Variants in MAP2K1 observed in about 807,000 individuals in gnomAD.
MAP2K1 encodes the protein dual specificity mitogen-activated protein kinase kinase 1.
In MAP2K1, 16 loss-of-function variants were observed where a neutral mutation model predicts 46.3. The ratio of observed to expected loss-of-function variants is 0.35; its 90% CI spans 0.23 to 0.52. The LOEUF (loss-of-function observed/expected upper bound fraction) is 0.52. Ranked by LOEUF, MAP2K1 falls within the 20% of genes least tolerant of loss-of-function variation. MAP2K1 has a pLI of 0.94. For synonymous variants in MAP2K1, 183 were observed against 185.6 expected, an observed-to-expected ratio of 0.99 and a Z score of 0.11; for missense variants, 263 against 497.1, an observed-to-expected ratio of 0.53 and a Z score of 4.48.
intron 1 of MAP2K1, among the ~76,000 whole-genome samples, chr15:66,420,843 G>GTATATATATA (rs1567003208): frequency 6.6e-5 from 8 of 121,618 alleles, no homozygotes; most frequent in African/African-American, 2.1e-4. Flanking sequence ...ATATATATGT[G>GTATATATATA]TGTATATATA....
rs749220939 is a variant in MAP2K1, at chr15:66,490,641, G to C, written c.*26G>C. On this transcript the variant is annotated 3_prime_UTR_variant, in exon 11 of 11. Transcript: ENST00000307102. Reference sequence around the variant, plus strand: ...GTGTTTGGGAAGCAACAAAGAGCGAGTCCCCTGCCCGGTGGTTTGCCATGT... The same window carrying C: ...GTGTTTGGGAAGCAACAAAGAGCGACTCCCCTGCCCGGTGGTTTGCCATGT... The C allele has an allele frequency of 6.3e-7, 1 of 1,575,896 alleles. No homozygotes were observed. Among genetic ancestry groups the C allele is most frequent in the Non-Finnish European group, 8.7e-7 (1 of 1,145,166 alleles).
intron 3 of MAP2K1, among the ~76,000 whole-genome samples, chr15:66,440,796 C>T (rs765755746): frequency 6.6e-6 from 1 of 152,206 alleles, no homozygotes; most frequent in Non-Finnish European, 1.5e-5. Flanking sequence ...GACTTGGCAA[C>T]AGTGAATTAG....
At chr15:66,447,736 C>T (rs2140609066) in intron 5 of MAP2K1, among the ~76,000 whole-genome samples, 1 of 151,422 alleles carries the variant, frequency 6.6e-6, no homozygotes, top group East Asian at 1.9e-4. Flanking sequence ...TAAAATTTAC[C>T]ATTTTCTCAA....
chr15:66,462,844 G>T lies in MAP2K1; in HGVS notation c.568+18137G>T, dbSNP rs1892362632. ...GGGGACTTCCTTATAGGGATCCAGG[G>T]GGCCCTTAGGGAACGTGAGGACCAG... On this transcript the variant is annotated intron_variant, in intron 5 of 10. Coordinates refer to ENST00000307102, the MANE Select transcript of MAP2K1 (RefSeq NM_002755.4). Among the ~76,000 whole-genome samples, 4 of 152,150 alleles carry T rather than the reference G, an allele frequency of 2.6e-5. No homozygotes were observed. The South Asian group carries it at 8.3e-4, about 32-fold the overall frequency.
chr15:66,429,208 G>C (rs911450923), intron 1 of MAP2K1, among the ~76,000 whole-genome samples: 2 of 152,120 alleles, frequency 1.3e-5, no homozygotes, highest in African/African-American at 2.4e-5. Flanking sequence ...TTTATGGCTG[G>C]GGAGGCCTCA....
At chr15:66,436,309 G>A (rs1007316487) in intron 2 of MAP2K1, among the ~76,000 whole-genome samples, 4 of 152,200 alleles carry the variant, frequency 2.6e-5, no homozygotes, top group Non-Finnish European at 4.4e-5. Context: ...ACATAAGGTA[G>A]CACCTTAGAC....
At chr15:66,468,805 C>T (rs1892534753) in intron 5 of MAP2K1, among the ~76,000 whole-genome samples, 1 of 151,182 alleles carries the variant, frequency 6.6e-6, no homozygotes, top group African/African-American at 2.4e-5. Context: ...GTGGTGCGTG[C>T]CTGTAATCCC....
intron 1 of MAP2K1, among the ~76,000 whole-genome samples, chr15:66,417,702 G>A (rs530704098): frequency 6.6e-6 from 1 of 152,294 alleles, no homozygotes; most frequent in African/African-American, 2.4e-5. Context: ...GAGGTGATAC[G>A]TGCTCAGGGA....
At chr15:66,404,608 G>C (rs930758707) in intron 1 of MAP2K1, among the ~76,000 whole-genome samples, 2 of 152,190 alleles carry the variant, frequency 1.3e-5, no homozygotes, top group Admixed American at 1.3e-4. Context: ...CAGTTAAAAA[G>C]GAAGGCGTAA....
intron 3 of MAP2K1, among the ~76,000 whole-genome samples, chr15:66,437,589 T>C (rs11636809): frequency 0.2 from 31,044 of 152,146 alleles, 3,846 homozygotes; most frequent in Middle Eastern, 0.32. Context: ...GTATTGTGTC[T>C]CTCAGCTCCT....
At position 66,443,344 on chromosome 15, in the gene MAP2K1, A is replaced by G. The variant is rs886051366; in HGVS notation, c.503A>G (p.Lys168Arg). Residue 168 changes from lysine to arginine, a missense_variant, in exon 4 of 11, where the codon AAA becomes AGA. Around this residue, in one of 4 missense-constraint regions of MAP2K1, gnomAD observed 103 missense variants for 221.6 expected, o/e 0.46. Coordinates refer to ENST00000307102, the MANE Select transcript of MAP2K1 (RefSeq NM_002755.4). ...AGRIPEQILG[K>R]VSIAVIKGLT... ...AGAATTCCTGAACAAATTTTAGGAA[A>G]AGTTAGCATTGCTGTGAGTATGTTA... The G allele has an allele frequency of 1.1e-5, 18 of 1,607,334 alleles. 1 individual carries two copies. The East Asian group carries it at 3.8e-4, about 34-fold the overall frequency.
chr15:66,425,915 C>T lies in MAP2K1; in HGVS notation c.81-9112C>T, dbSNP rs78844005. Among the ~76,000 whole-genome samples the T allele has an allele frequency of 2.7e-3, 407 of 152,334 alleles. 1 individual carries two copies. Among genetic ancestry groups the T allele is most frequent in the African/African-American group, 9.5e-3 (394 of 41,574 alleles). Reference sequence around the variant, plus strand: ...AACAATCTTGGATCCACATTTCAGTCAGGGCCTTCCACATAGAGGGGAAAG... The same window carrying T: ...AACAATCTTGGATCCACATTTCAGTTAGGGCCTTCCACATAGAGGGGAAAG... On this transcript the variant is annotated intron_variant, in intron 1 of 10. Coordinates refer to ENST00000307102, the MANE Select transcript of MAP2K1 (RefSeq NM_002755.4).
chr15:66,420,958 C>T (rs2093440400), intron 1 of MAP2K1, among the ~76,000 whole-genome samples: 1 of 97,682 alleles, frequency 1.0e-5, no homozygotes, highest in South Asian at 3.5e-4. Context: ...CATACACATA[C>T]ATATATACAC....
intron 1 of MAP2K1, among the ~76,000 whole-genome samples, chr15:66,425,043 G>A (rs576113125): frequency 1.6e-4 from 25 of 152,046 alleles, no homozygotes; most frequent in African/African-American, 5.1e-4. Context: ...TGATCTGCCC[G>A]CCTCGGCCTC....
chr15:66,431,770 G>C (rs1220662287), intron 1 of MAP2K1, among the ~76,000 whole-genome samples: 1 of 152,134 alleles, frequency 6.6e-6, no homozygotes, highest in Non-Finnish European at 1.5e-5. Flanking sequence ...CTGTGCCATG[G>C]TAGTTTTCTG....
At chr15:66,439,071 C>G (rs1249325409) in intron 3 of MAP2K1, among the ~76,000 whole-genome samples, 3 of 152,204 alleles carry the variant, frequency 2.0e-5, no homozygotes, top group Admixed American at 2.0e-4. Context: ...TCTGGGCACT[C>G]TCAGCCCTTC....
intron 5 of MAP2K1, among the ~76,000 whole-genome samples, chr15:66,449,068 T>C (rs1351036556): frequency 6.6e-6 from 1 of 151,548 alleles, no homozygotes; most frequent in East Asian, 1.9e-4. Flanking sequence ...GACAACCATT[T>C]TGGAAAACAG....
At chr15:66,397,254 C>T (rs185857153) in intron 1 of MAP2K1, among the ~76,000 whole-genome samples, 4 of 152,160 alleles carry the variant, frequency 2.6e-5, no homozygotes, top group South Asian at 2.1e-4. Flanking sequence ...CCGCCTGCCT[C>T]GGCCTCCCAA....
intron 6 of MAP2K1, among the ~76,000 whole-genome samples, chr15:66,483,984 G>C (rs1367452126): frequency 6.6e-6 from 1 of 152,042 alleles, no homozygotes. Context: ...TCCTGACCTT[G>C]TGATCCACCC....
Sources: gnomAD v4.1 joint callset for allele counts (sites outside exome capture counted in the v4.1 genomes callset) on GRCh38, gnomAD v4.1.1 for gene constraint, gnomAD v4.1.1 regional missense constraint, MANE v1.5 for transcripts, NCBI Gene and HGNC (gene_info 2026-07-23, HGNC 2026-07-21) for gene names.